Variants in PALD1 observed in about 807,000 individuals in gnomAD.
The protein encoded by PALD1 is paladin.
PALD1 carries 57 observed loss-of-function variants against 96.0 expected under a neutral mutation model. The ratio of observed to expected loss-of-function variants is 0.59; its 90% CI spans 0.48 to 0.74. PALD1 has a LOEUF of 0.74. Ranked by LOEUF, PALD1 falls within the 30% of genes least tolerant of loss-of-function variation. The probability of loss-of-function intolerance (pLI) is 0.00; values close to 1 mark genes in which losing one functional copy is unlikely to be tolerated. For synonymous variants in PALD1, 464 were observed against 473.6 expected, an observed-to-expected ratio of 0.98 and a Z score of 0.26; for missense variants, 1,063 against 1,143.7, an observed-to-expected ratio of 0.93 and a Z score of 1.02.
At chr10:70,536,920 G>A (rs1186815367) in intron 10 of PALD1, among the ~76,000 whole-genome samples, 1 of 152,170 alleles carries the variant, frequency 6.6e-6, no homozygotes, top group Non-Finnish European at 1.5e-5. Flanking sequence ...CCATGCAGAG[G>A]AAGCTGGGCT....
chr10:70,476,473 C>T (rs1871598), upstream of PALD1, among the ~76,000 whole-genome samples: 120,745 of 152,132 alleles, frequency 0.79, 49,307 homozygotes, highest in East Asian at 0.93. Context: ...CTGCAGGACT[C>T]GCTATTCTGA....
At chr10:70,544,103 A>G (rs1349181202) in intron 17 of PALD1, among the ~76,000 whole-genome samples, 1 of 152,206 alleles carries the variant, frequency 6.6e-6, no homozygotes. Flanking sequence ...GAAAGGATCA[A>G]TAGAGCGTGA....
At chr10:70,530,814 C>T (rs1846976306) in intron 4 of PALD1, among the ~76,000 whole-genome samples, 1 of 152,164 alleles carries the variant, frequency 6.6e-6, no homozygotes, top group Non-Finnish European at 1.5e-5. Flanking sequence ...CCACACATTT[C>T]CCTCTGCCTG....
At chr10:70,471,073 C>T in the PALD1 span, among the ~76,000 whole-genome samples, 4 of 151,930 alleles carry the variant, frequency 2.6e-5, no homozygotes, top group Non-Finnish European at 4.4e-5. Flanking sequence ...CCTCCCGCCT[C>T]GGCCTCCCAA....
chr10:70,464,300 C>A, the PALD1 span, among the ~76,000 whole-genome samples: 1 of 150,104 alleles, frequency 6.7e-6, no homozygotes, highest in Non-Finnish European at 1.5e-5. Context: ...CAACCTCTAC[C>A]TCCCGGGTTC....
At chr10:70,478,495 C>A (rs1845864706), upstream of PALD1, among the ~76,000 whole-genome samples, 1 of 152,202 alleles carries the variant, frequency 6.6e-6, no homozygotes, top group Non-Finnish European at 1.5e-5. Context: ...TGGGTGTCTT[C>A]CAGAAGGAGC....
chr10:70,562,986 T>TCTCAAACC (rs1361647274), intron 18 of PALD1, among the ~76,000 whole-genome samples: 1 of 152,110 alleles, frequency 6.6e-6, no homozygotes, highest in African/African-American at 2.4e-5. Context: ...TCACTCATAC[T>TCTCAAACC]CTCAAACCCT....
At position 70,539,071 on chromosome 10, in the gene PALD1, T is replaced by TGCCG; in HGVS notation, c.1570-17_1570-14dup. Reference sequence around the variant, plus strand: ...TGGGGAGGGAGGGCTGAGCACTCACTGCCGGCCCTCCTGTGCCCAGGCCCT... The same window carrying TGCCG: ...TGGGGAGGGAGGGCTGAGCACTCACTGCCGGCCGGCCCTCCTGTGCCCAGGCCCT... On this transcript the variant is annotated intron_variant, in intron 13 of 19. Coordinates refer to ENST00000263563, the MANE Select transcript of PALD1 (RefSeq NM_014431.3). This position sits in a 1 kb window ranked among gnomAD's most constrained non-coding sequence, Gnocchi z 4.5. The TGCCG allele has an allele frequency of 6.2e-7, 1 of 1,613,652 alleles. No homozygotes were observed. Among genetic ancestry groups the TGCCG allele is most frequent in the Non-Finnish European group, 8.5e-7 (1 of 1,179,784 alleles).
At chr10:70,525,777 C>T (rs1466348747) in intron 1 of PALD1, 146 bp from the exon 2 acceptor site, 9 of 644,864 alleles carry the variant, frequency 1.4e-5, no homozygotes, top group Non-Finnish European at 2.4e-5. Flanking sequence ...CTTCTGGGCC[C>T]CACGGTGTAG....
At chr10:70,506,864 T>G (rs1300162496) in intron 1 of PALD1, among the ~76,000 whole-genome samples, 1 of 152,150 alleles carries the variant, frequency 6.6e-6, no homozygotes, top group Non-Finnish European at 1.5e-5. Context: ...CTGGCCTCCA[T>G]GTGTCCTCCT....
At chr10:70,500,909 C>T (rs184056544) in intron 1 of PALD1, among the ~76,000 whole-genome samples, 9 of 152,222 alleles carry the variant, frequency 5.9e-5, no homozygotes, top group Non-Finnish European at 1.2e-4. Context: ...GGGGGTCTGC[C>T]GTGTGCCTGG....
intron 1 of PALD1, among the ~76,000 whole-genome samples, chr10:70,491,929 C>T (rs1274226287): frequency 1.3e-5 from 2 of 152,170 alleles, no homozygotes; most frequent in African/African-American, 4.8e-5. Context: ...TACTCCATTC[C>T]CTTTTATGGC....
chr10:70,529,783 C>T (rs12785079), intron 3 of PALD1, 106 bp from the exon 4 acceptor site: 105,991 of 913,148 alleles, frequency 0.12, 7,029 homozygotes, highest in South Asian at 0.17. Flanking sequence ...GTTCTTTTTG[C>T]CCCTATTTCC....
chr10:70,542,992 C>T (rs553880848), intron 17 of PALD1, among the ~76,000 whole-genome samples: 9 of 151,076 alleles, frequency 6.0e-5, no homozygotes, highest in Admixed American at 2.0e-4. Flanking sequence ...AGGCTGGTCT[C>T]GAACTCCTGA....
intron 1 of PALD1, among the ~76,000 whole-genome samples, chr10:70,507,741 TTG>T (rs1396668064): frequency 2.7e-4 from 35 of 127,388 alleles, no homozygotes; most frequent in Admixed American, 1.4e-3. Context: ...TTTGTATGTT[TTG>T]TGTGTGCGTG....
At chr10:70,532,864 G>T in intron 6 of PALD1, 83 bp downstream of exon 6, 2 of 1,552,108 alleles carry the variant, frequency 1.3e-6, no homozygotes, top group Non-Finnish European at 1.8e-6. Flanking sequence ...ACCATCTGCA[G>T]GTTGGGCGGA....
At position 70,540,905 on chromosome 10, in the gene PALD1, C is replaced by T. The variant is rs1448201615; in HGVS notation, c.1909-197C>T. On this transcript the variant is annotated intron_variant, in intron 15 of 19. Transcript: ENST00000263563. This position sits in a 1 kb window ranked among gnomAD's most constrained non-coding sequence, Gnocchi z 4.2. ...CAGGTGCTTGGTGTGAGGGTGATTA[C>T]GACTGCACAGGTGCAGCTGTTTACA... Among the ~76,000 whole-genome samples, 6 of 152,194 alleles carry T rather than the reference C, an allele frequency of 3.9e-5. No homozygotes were observed. Among genetic ancestry groups the T allele is most frequent in the South Asian group, 2.1e-4 (1 of 4,836 alleles).
intron 18 of PALD1, among the ~76,000 whole-genome samples, chr10:70,556,362 C>G (rs1847611826): frequency 6.6e-6 from 1 of 151,656 alleles, no homozygotes; most frequent in African/African-American, 2.4e-5. Context: ...GTTGCCCAGG[C>G]TGGAGTGCAG....
chr10:70,536,428 A>T (rs537361762), intron 10 of PALD1, among the ~76,000 whole-genome samples: 1 of 152,332 alleles, frequency 6.6e-6, no homozygotes, highest in Non-Finnish European at 1.5e-5. Context: ...TGGACAATTG[A>T]GTTGCTCCAG....
Sources: allele counts gnomAD v4.1 joint callset (sites outside exome capture counted in the v4.1 genomes callset), GRCh38; gene constraint gnomAD v4.1.1; non-coding constraint Gnocchi (gnomAD v3.1); transcripts MANE v1.5; gene names NCBI Gene and HGNC (gene_info 2026-07-23, HGNC 2026-07-21).